GRM7: variants seen among roughly 807,000 people sequenced by gnomAD.
GRM7 encodes glutamate metabotropic receptor 7, also known as metabotropic glutamate receptor 7.
A neutral mutation model predicts 84.5 loss-of-function variants in GRM7; 35 were observed. That is an observed-to-expected ratio of 0.41 (90% CI 0.32 to 0.55). GRM7 has a LOEUF of 0.55. Ranked by LOEUF, GRM7 falls within the 20% of genes least tolerant of loss-of-function variation. The probability of loss-of-function intolerance (pLI) is 0.19; values close to 1 mark genes in which losing one functional copy is unlikely to be tolerated. For missense variants in GRM7, 1,003 were observed against 1,194.6 expected, an observed-to-expected ratio of 0.84 and a Z score of 2.36; for synonymous variants, 487 against 455.1, an observed-to-expected ratio of 1.07 and a Z score of -0.89.
intron 1 of GRM7, among the ~76,000 whole-genome samples, chr3:7,020,849 T>G (rs1431749988): frequency 6.6e-6 from 1 of 152,200 alleles, no homozygotes; most frequent in Non-Finnish European, 1.5e-5. Context: ...TGTCTAAGAA[T>G]GCTGAGTCCA....
intron 1 of GRM7, among the ~76,000 whole-genome samples, chr3:6,893,214 C>G (rs1476486505): frequency 6.6e-6 from 1 of 152,096 alleles, no homozygotes; most frequent in Admixed American, 6.6e-5. Context: ...ACTGGATCTG[C>G]CTGAATTATA....
chr3:7,230,061 G>T (rs375306785), intron 2 of GRM7, among the ~76,000 whole-genome samples: 1 of 151,262 alleles, frequency 6.6e-6, no homozygotes, highest in African/African-American at 2.4e-5. Flanking sequence ...GGATGGTCTC[G>T]ATCTCCTGAC....
At position 7,518,439 on chromosome 3, in the gene GRM7, G is replaced by C. The variant is rs554044509; in HGVS notation, c.1515+56717G>C. Among the ~76,000 whole-genome samples the C allele has an allele frequency of 7.9e-5, 12 of 152,296 alleles. No homozygotes were observed. The South Asian group carries it at 2.3e-3, about 29-fold the overall frequency. ...TTCAGGTATGATAGGTTTTAAACAA[G>C]AGTATAAGAAGGTTTCAGTTACTGT... On this transcript the variant is annotated intron_variant, in intron 7 of 9. Coordinates refer to ENST00000357716, the MANE Select transcript of GRM7 (RefSeq NM_000844.4).
chr3:6,967,484 CACGCCTG>C, intron 1 of GRM7, among the ~76,000 whole-genome samples: 1 of 152,328 alleles, frequency 6.6e-6, no homozygotes, highest in Admixed American at 6.5e-5. Context: ...CGTGAGCCAC[CACGCCTG>C]GCTCGGACTT....
rs114157700 is a variant in GRM7 at position 6,932,250 on chromosome 3, G to A, written c.519+70343G>A. 5.2e-3 allele frequency among the ~76,000 whole-genome samples: 797 copies of A among 152,206 alleles called. 6 individuals are homozygous for A. The highest frequency in any genetic ancestry group is 0.018 in the African/African-American group (756 of 41,530). On this transcript the variant is annotated intron_variant, in intron 1 of 9. Coordinates refer to ENST00000357716, the MANE Select transcript of GRM7 (RefSeq NM_000844.4). ...AAATATAAAGGATACTTTGCCTACC[G>A]AGGGCCCACAATTAGGCTTTTCCTT...
At chr3:7,025,784 A>C (rs181508594) in intron 1 of GRM7, among the ~76,000 whole-genome samples, 1 of 152,320 alleles carries the variant, frequency 6.6e-6, no homozygotes, top group Non-Finnish European at 1.5e-5. Context: ...AGAGGGGATT[A>C]GTAAGTGACC....
At chr3:7,673,720 A>C (rs1700022826) in intron 8 of GRM7, among the ~76,000 whole-genome samples, 1 of 152,212 alleles carries the variant, frequency 6.6e-6, no homozygotes. Flanking sequence ...GCAGGCTTAC[A>C]GGCAGATGCT....
chr3:7,523,474 T>A (rs1039226006), intron 7 of GRM7, among the ~76,000 whole-genome samples: 43 of 152,260 alleles, frequency 2.8e-4, no homozygotes, highest in African/African-American at 9.1e-4. Context: ...TAAGCAGGCA[T>A]CTCCGAGCTG....
chr3:7,093,276 C>G (rs1343635933), intron 1 of GRM7, among the ~76,000 whole-genome samples: 1 of 151,970 alleles, frequency 6.6e-6, no homozygotes, highest in South Asian at 2.1e-4. Context: ...TACTGACTGA[C>G]TGTGATGGAG....
chr3:7,217,670 A>C (rs13070503), intron 2 of GRM7, among the ~76,000 whole-genome samples: 24,735 of 149,970 alleles, frequency 0.16, 2,527 homozygotes, highest in Non-Finnish European at 0.22. Flanking sequence ...GTCAGAAGGT[A>C]TTTATAAGCT....
At position 6,877,854 on chromosome 3, in the gene GRM7, T is replaced by C. The variant is rs111814611; in HGVS notation, c.519+15947T>C. ...ACACACACACACACACACACACACA[T>C]ATGACTTCTGCTAGTAAATTACAAA... On this transcript the variant is annotated intron_variant, in intron 1 of 9. Transcript: ENST00000357716. Among the ~76,000 whole-genome samples the C allele has an allele frequency of 7.2e-4, 100 of 138,042 alleles. 1 individual carries two copies. Among genetic ancestry groups the C allele is most frequent in the Admixed American group, 2.6e-3 (36 of 14,108 alleles). 90.6% of individuals were successfully genotyped at this position (138,042 alleles called of 152,430 possible). A position where few individuals can be genotyped will look rare whatever the true frequency, so the allele number is the denominator to read the frequency against.
At chr3:7,354,141 C>T (rs1302190535) in intron 4 of GRM7, among the ~76,000 whole-genome samples, 1 of 152,118 alleles carries the variant, frequency 6.6e-6, no homozygotes, top group Non-Finnish European at 1.5e-5. Flanking sequence ...GTTGTGCTGT[C>T]AATCCTCCTG....
At chr3:7,306,066 A>G (rs1700184595) in intron 3 of GRM7, among the ~76,000 whole-genome samples, 3 of 152,180 alleles carry the variant, frequency 2.0e-5, no homozygotes, top group South Asian at 2.1e-4. Context: ...TCATAATCAT[A>G]TTGCTTTTCA....
chr3:7,564,949 A>T (rs185340219), intron 7 of GRM7, among the ~76,000 whole-genome samples: 34 of 152,336 alleles, frequency 2.2e-4, no homozygotes, highest in Middle Eastern at 3.4e-3. Context: ...CCTTGGCTGC[A>T]GATTGCACAT....
At chr3:7,223,328 A>G (rs529383251) in intron 2 of GRM7, among the ~76,000 whole-genome samples, 1 of 152,142 alleles carries the variant, frequency 6.6e-6, no homozygotes, top group South Asian at 2.1e-4. Flanking sequence ...ATGCTGAAAC[A>G]GGTTTTAAGC....
intron 2 of GRM7, among the ~76,000 whole-genome samples, chr3:7,168,706 AT>A (rs1413907734): frequency 1.3e-5 from 2 of 152,188 alleles, no homozygotes; most frequent in African/African-American, 4.8e-5. Context: ...AACACTAACA[AT>A]TTAGCTGCCA....
At chr3:7,454,690 T>A (rs1234545740) in intron 6 of GRM7, among the ~76,000 whole-genome samples, 1 of 152,050 alleles carries the variant, frequency 6.6e-6, no homozygotes, top group Non-Finnish European at 1.5e-5. Flanking sequence ...GAGCCAGGTT[T>A]CTCATTATCC....
chr3:7,225,403 T>C (rs1696950049), intron 2 of GRM7, among the ~76,000 whole-genome samples: 1 of 148,130 alleles, frequency 6.8e-6, no homozygotes, highest in South Asian at 2.1e-4. Flanking sequence ...TTTATATATG[T>C]ATAGTAAATG....
intron 7 of GRM7, among the ~76,000 whole-genome samples, chr3:7,567,471 G>GGGGCAGGCCAA (rs1694339228): frequency 1.3e-5 from 2 of 152,246 alleles, no homozygotes; most frequent in Admixed American, 6.5e-5. Flanking sequence ...AACTTGGCCA[G>GGGGCAGGCCAA]GGGCAGGAGC....
Sources: allele counts gnomAD v4.1 joint callset (sites outside exome capture counted in the v4.1 genomes callset), GRCh38; gene constraint gnomAD v4.1.1; transcripts MANE v1.5; gene names NCBI Gene and HGNC (gene_info 2026-07-23, HGNC 2026-07-21).